The following DAGLB variants were observed in gnomAD, a reference collection of about 807,000 sequenced individuals.
DAGLB encodes diacylglycerol lipase beta, also known as diacylglycerol lipase-beta.
In DAGLB, 66 loss-of-function variants were observed where a neutral mutation model predicts 72.1. The observed-to-expected ratio is 0.92, with a 90% CI of 0.75 to 1.12. The LOEUF is 1.12. DAGLB is among the 50% of genes most tolerant of loss of function. The pLI, the probability that DAGLB is intolerant of heterozygous loss-of-function variation, is 0.00. For missense variants in DAGLB, 1,065 were observed against 884.9 expected, an observed-to-expected ratio of 1.20 and a Z score of -2.58; for synonymous variants, 414 against 359.5, an observed-to-expected ratio of 1.15 and a Z score of -1.71.
intron 5 of DAGLB, among the ~76,000 whole-genome samples, chr7:6,432,348 A>G (rs1784511535): frequency 6.6e-6 from 1 of 151,408 alleles, no homozygotes; most frequent in East Asian, 1.9e-4. Flanking sequence ...CCATCTCATA[A>G]AAAGAAAAAG....
chr7:6,425,980 G>T lies in DAGLB; in HGVS notation c.1056+8C>A, dbSNP rs372678104. The T allele has an allele frequency of 1.9e-6, 3 of 1,613,778 alleles. No individual in the cohort carries two copies. Among genetic ancestry groups the T allele is most frequent in the Non-Finnish European group, 1.7e-6 (2 of 1,179,862 alleles). On this transcript the variant is annotated splice_region_variant and intron_variant, in intron 7 of 14. Coordinates refer to ENST00000297056, the MANE Select transcript of DAGLB (RefSeq NM_139179.4). ...GAAGTGAAGAGCCGCTGTCTGCAGC[G>T]TCCACACCTTGTCATGGAAGCTGAC...
At chr7:6,447,690 G>C in intron 1 of DAGLB, 58 bp downstream of exon 1, 1 of 1,565,770 alleles carries the variant, frequency 6.4e-7, no homozygotes, top group Non-Finnish European at 8.6e-7. Flanking sequence ...TCAAGGGACA[G>C]CTCGCCCCCC....
At chr7:6,437,420 C>T (rs977721741) in intron 2 of DAGLB, among the ~76,000 whole-genome samples, 1 of 152,056 alleles carries the variant, frequency 6.6e-6, no homozygotes, top group Non-Finnish European at 1.5e-5. Context: ...AACTGAAGCT[C>T]AGAGAGCGTA....
intron 9 of DAGLB, among the ~76,000 whole-genome samples, chr7:6,418,435 A>G (rs1340937357): frequency 6.6e-6 from 1 of 152,172 alleles, no homozygotes; most frequent in African/African-American, 2.4e-5. Context: ...CACGCAGTTA[A>G]GCCCTAAAAA....
rs555472488 is a variant in DAGLB at position 6,436,247 on chromosome 7, A to T, written c.419+115T>A. 22 of 1,341,322 alleles carry T rather than the reference A, an allele frequency of 1.6e-5. No individual in the cohort carries two copies. In the East Asian group the frequency reaches 4.8e-4, roughly 29 times the overall value. 83.1% of individuals were successfully genotyped at this position (1,341,322 alleles called of 1,614,324 possible). ...ATGAGTTACGCAGAAACTAACTCCAATTTCTAACTATTTGAGGAAGTCCGA... is the reference window on the plus strand; with the variant it reads ...ATGAGTTACGCAGAAACTAACTCCATTTTCTAACTATTTGAGGAAGTCCGA... On this transcript the variant is annotated intron_variant, in intron 3 of 14. Transcript: ENST00000297056.
At chr7:6,413,480 A>G (rs1335026702) in intron 11 of DAGLB, among the ~76,000 whole-genome samples, 1 of 152,096 alleles carries the variant, frequency 6.6e-6, no homozygotes, top group Non-Finnish European at 1.5e-5. Context: ...AATACAAAAA[A>G]TTAGCCAGGC....
At chr7:6,427,944 G>A (rs959317425) in intron 6 of DAGLB, among the ~76,000 whole-genome samples, 2 of 152,140 alleles carry the variant, frequency 1.3e-5, no homozygotes, top group African/African-American at 4.8e-5. Flanking sequence ...ACAACCCACT[G>A]AATAATTTAA....
intron 9 of DAGLB, among the ~76,000 whole-genome samples, chr7:6,419,282 C>T (rs2115251708): frequency 1.3e-5 from 2 of 152,184 alleles, no homozygotes; most frequent in Middle Eastern, 6.8e-3. Flanking sequence ...AGGTGTGAGC[C>T]ACTGCACCCG....
intron 2 of DAGLB, among the ~76,000 whole-genome samples, chr7:6,442,928 C>T (rs934909457): frequency 6.6e-6 from 1 of 151,340 alleles, no homozygotes; most frequent in Non-Finnish European, 1.5e-5. Flanking sequence ...AATCCCAGCA[C>T]TTTGGGAGGC....
chr7:6,435,835 G>A (rs529395598), intron 3 of DAGLB, among the ~76,000 whole-genome samples: 1 of 152,320 alleles, frequency 6.6e-6, no homozygotes, highest in East Asian at 1.9e-4. Flanking sequence ...CTCGAGAAAC[G>A]CAGCAACAGC....
intron 7 of DAGLB, 25 bp downstream of exon 7, chr7:6,425,963 G>A: frequency 6.2e-7 from 1 of 1,612,344 alleles, no homozygotes; most frequent in Non-Finnish European, 8.5e-7. Flanking sequence ...AAGAAGTGAA[G>A]AGCCGCTGTC....
intron 2 of DAGLB, among the ~76,000 whole-genome samples, chr7:6,441,499 C>T (rs1278801736): frequency 6.7e-6 from 1 of 148,630 alleles, no homozygotes; most frequent in East Asian, 2.0e-4. Flanking sequence ...CTCACTGCAA[C>T]CTCCGCCTCC....
chr7:6,435,708 G>T (rs1280695697), intron 3 of DAGLB, among the ~76,000 whole-genome samples: 1 of 152,128 alleles, frequency 6.6e-6, no homozygotes, highest in East Asian at 1.9e-4. Flanking sequence ...AGAGTACTCT[G>T]ATAGGCCTCT....
chr7:6,423,832 C>A (rs1209944226), intron 8 of DAGLB, among the ~76,000 whole-genome samples: 1 of 151,794 alleles, frequency 6.6e-6, no homozygotes, highest in Non-Finnish European at 1.5e-5. Context: ...TGTGATCCAC[C>A]CACCTTGGCC....
Position 6,409,884 on chromosome 7 carries a change from A to G in DAGLB, c.1972T>C (p.Cys658Arg), listed in dbSNP as rs1562475789. ...LDSVVSDRAA[C>R]VSCPAQGVSS... is the part of the protein sequence containing the mutation. ...ACCCCTTGTGCTGGACAGGAGACGC[A>G]GGCCGCTCTGTCGGAGACCACGCTG... is the stretch of plus-strand genomic sequence containing the variant. The change falls in exon 15 of 15, where the codon TGC becomes CGC. Residue 658 changes from cysteine (C) to arginine (R), a missense_variant. Coordinates refer to ENST00000297056, the MANE Select transcript of DAGLB (RefSeq NM_139179.4). 1 of 1,613,970 alleles carries G rather than the reference A, an allele frequency of 6.2e-7. No homozygotes were observed. Among genetic ancestry groups the G allele is most frequent in the Non-Finnish European group, 8.5e-7 (1 of 1,180,052 alleles).
intron 13 of DAGLB, among the ~76,000 whole-genome samples, chr7:6,411,155 A>C (rs1783714723): frequency 1.3e-5 from 2 of 151,680 alleles, no homozygotes; most frequent in Admixed American, 1.3e-4. Context: ...TACAGGCGTG[A>C]GCCACCGCGC....
intron 4 of DAGLB, among the ~76,000 whole-genome samples, chr7:6,433,522 C>T (rs891880754): frequency 2.0e-5 from 3 of 152,144 alleles, no homozygotes; most frequent in African/African-American, 7.2e-5. Context: ...TCAATCACCT[C>T]CGGGTACTTG....
At chr7:6,427,379 C>A (rs899813022) in intron 6 of DAGLB, among the ~76,000 whole-genome samples, 2 of 152,164 alleles carry the variant, frequency 1.3e-5, no homozygotes, top group African/African-American at 2.4e-5. Context: ...GGCCAGGAGA[C>A]TGACACCCAT....
chr7:6,417,460 C>T (rs1424320800), intron 9 of DAGLB: 1 of 153,780 alleles, frequency 6.5e-6, no homozygotes, highest in Non-Finnish European at 1.4e-5. Flanking sequence ...AACATCTTTC[C>T]ACAGATACAT....
Sources: gnomAD v4.1 joint callset for allele counts (sites outside exome capture counted in the v4.1 genomes callset) on GRCh38, gnomAD v4.1.1 for gene constraint, MANE v1.5 for transcripts, NCBI Gene and HGNC (gene_info 2026-07-23, HGNC 2026-07-21) for gene names.